Variants in THAP2 observed in about 807,000 individuals in gnomAD.
THAP2 encodes THAP domain containing 2.
THAP2 carries 16 observed loss-of-function variants against 18.8 expected under a neutral mutation model. The ratio of observed to expected loss-of-function variants is 0.85; its 90% confidence interval spans 0.58 to 1.29. THAP2 has a LOEUF of 1.29. THAP2 is among the 50% of genes most tolerant of loss of function. THAP2 has a pLI of 0.00. For missense variants in THAP2, 251 were observed against 265.3 expected (o/e 0.95, Z 0.38); for synonymous variants, 80 against 89.2 (o/e 0.90, Z 0.58).
chr12:71,670,540 A>G (rs1417934860), intron 1 of THAP2, among the ~76,000 whole-genome samples: 1 of 152,202 alleles, frequency 6.6e-6, no homozygotes, highest in African/African-American at 2.4e-5. Context: ...AAATTCAACT[A>G]ATAGCCTTAA....
chr12:71,674,505 G>A (rs960121988), intron 2 of THAP2, 107 bp downstream of exon 2: 1 of 1,072,070 alleles, frequency 9.3e-7, no homozygotes, highest in Admixed American at 2.8e-5. Flanking sequence ...CCTCAAAAAA[G>A]TTGCAGACCT....
intron 1 of THAP2, among the ~76,000 whole-genome samples, chr12:71,668,071 C>T (rs1000490914): frequency 1.3e-5 from 2 of 152,202 alleles, no homozygotes; most frequent in Non-Finnish European, 2.9e-5. Context: ...ACAATTCAGC[C>T]TTTTAATGGC....
intron 1 of THAP2, among the ~76,000 whole-genome samples, chr12:71,665,962 A>G (rs545545936): frequency 9.8e-5 from 15 of 152,314 alleles, no homozygotes; most frequent in African/African-American, 2.4e-4. Flanking sequence ...TCTTGCTACA[A>G]TGTCAACTAA....
chr12:71,670,119 C>G (rs1223825303), intron 1 of THAP2, among the ~76,000 whole-genome samples: 1 of 151,922 alleles, frequency 6.6e-6, no homozygotes, highest in Non-Finnish European at 1.5e-5. Context: ...TCCAGACATT[C>G]ACTTCTTTGT....
At chr12:71,676,101 G>C (rs1881515147) in intron 2 of THAP2, among the ~76,000 whole-genome samples, 1 of 151,982 alleles carries the variant, frequency 6.6e-6, no homozygotes, top group Non-Finnish European at 1.5e-5. Context: ...TTGAATGAAA[G>C]AGATAAAAGC....
chr12:71,667,280 CTT>C (rs898904124), intron 1 of THAP2, among the ~76,000 whole-genome samples: 3 of 152,168 alleles, frequency 2.0e-5, no homozygotes, highest in Non-Finnish European at 2.9e-5. Flanking sequence ...TCTTCAATCT[CTT>C]TTGCTACTCT....
chr12:71,677,846 T>C lies in THAP2; in HGVS notation c.*738T>C, dbSNP rs965104963. 3 of 152,194 alleles carry C rather than the reference T, an allele frequency of 2.0e-5. No homozygotes were observed. Among genetic ancestry groups the C allele is most frequent in the African/African-American group, 7.2e-5 (3 of 41,458 alleles). The allele number at this position is 152,194 out of a possible 1,614,324, so 9.4% of individuals were successfully genotyped here. ...GTTCAGGACCTAGCTTAGATAAATG[T>C]ATACTACTCTTTTTCTCATAATAAA... On this transcript the variant is annotated 3_prime_UTR_variant, in exon 3 of 3. Transcript: ENST00000308086.
rs759566813 is a variant in THAP2, at chr12:71,664,551, C to A, written c.42C>A (p.Tyr14Ter). ...CTGCGGCGGGCTGTGCCACTACCTACAACAAGCACATTAACATCAGCTTCC... is the reference window on the plus strand; with the variant it reads ...CTGCGGCGGGCTGTGCCACTACCTAAAACAAGCACATTAACATCAGCTTCC... ...NCAAAGCATTYNKHINISFHR... is the reference protein window; with the variant it reads ...NCAAAGCATT Residue 14 changes from tyrosine (Y) to a stop codon, truncating the protein, a stop_gained, in exon 1 of 3, where the codon TAC (tyrosine) becomes TAA (stop). Transcript: ENST00000308086. LOFTEE classifies it high-confidence loss of function. The A allele has an allele frequency of 6.2e-7, 1 of 1,614,074 alleles. No individual in the cohort carries two copies. The highest frequency in any genetic ancestry group is 8.5e-7 in the Non-Finnish European group (1 of 1,180,048).
chr12:71,676,434 C>T (rs1420700195), intron 2 of THAP2, among the ~76,000 whole-genome samples: 3 of 152,002 alleles, frequency 2.0e-5, no homozygotes, highest in Non-Finnish European at 4.4e-5. Flanking sequence ...CCTTGGACGT[C>T]CATTGTCTAT....
intron 1 of THAP2, among the ~76,000 whole-genome samples, chr12:71,669,635 T>C (rs1881399523): frequency 6.6e-6 from 1 of 152,022 alleles, no homozygotes; most frequent in South Asian, 2.1e-4. Context: ...CATTAAGAGG[T>C]GAGACTAGGC....
At chr12:71,664,636 G>A in intron 1 of THAP2, 56 bp downstream of exon 1, 1 of 1,593,480 alleles carries the variant, frequency 6.3e-7, no homozygotes, top group Non-Finnish European at 8.6e-7. Context: ...TGTGGCTATC[G>A]CTTGTGTGGA....
At chr12:71,668,624 G>A (rs1210677278) in intron 1 of THAP2, among the ~76,000 whole-genome samples, 3 of 152,132 alleles carry the variant, frequency 2.0e-5, no homozygotes, top group Non-Finnish European at 1.5e-5. Context: ...TACAGTATAC[G>A]CTCATGGAAG....
intron 1 of THAP2, 38 bp from the exon 2 acceptor site, chr12:71,674,165 G>A: frequency 1.3e-6 from 2 of 1,524,510 alleles, no homozygotes; most frequent in South Asian, 1.3e-5. Context: ...CCAGAATTAT[G>A]ATAGTTGGAA....
In THAP2 at chr12:71,679,137, C is replaced by T. The variant is rs1438977230; in HGVS notation, c.*2029C>T. Reference sequence around the variant, plus strand: ...ATTTGTGTAGCCCAGTTCCCATCTACAGTAATACCTTGAAACCTTAATAAA... The same window carrying T: ...ATTTGTGTAGCCCAGTTCCCATCTATAGTAATACCTTGAAACCTTAATAAA... On this transcript the variant is annotated 3_prime_UTR_variant, in exon 3 of 3. Transcript: ENST00000308086. The T allele has an allele frequency of 2.6e-5, 4 of 152,120 alleles. No homozygotes were observed. The highest frequency in any genetic ancestry group is 9.7e-5 in the African/African-American group (4 of 41,434). 9.4% of individuals were successfully genotyped at this position (152,120 alleles called of 1,614,324 possible).
chr12:71,672,984 G>C (rs116309586), intron 1 of THAP2, among the ~76,000 whole-genome samples: 2,581 of 152,208 alleles, frequency 0.017, 71 homozygotes, highest in African/African-American at 0.058. Flanking sequence ...ACTCACAGCA[G>C]TTATTGAGCT....
At chr12:71,666,828 G>T (rs1254306098) in intron 1 of THAP2, among the ~76,000 whole-genome samples, 1 of 151,930 alleles carries the variant, frequency 6.6e-6, no homozygotes, top group Admixed American at 6.6e-5. Flanking sequence ...TCCACCTCCT[G>T]GGTTCCAGCA....
rs1259866179 is a variant in THAP2 at position 71,674,068 on chromosome 12, T to G, written c.72-135T>G. On this transcript the variant is annotated intron_variant, in intron 1 of 2. Coordinates refer to ENST00000308086, the MANE Select transcript of THAP2 (RefSeq NM_031435.4). ...CCATGAATTGGTTTCTGTTCCAGTG[T>G]CTGGATATTGTTAGTTTAAAATTTT... The G allele has an allele frequency of 1.6e-5, 13 of 827,368 alleles. No homozygotes were observed. The East Asian group carries it at 3.3e-4, about 21-fold the overall frequency. 51.3% of individuals were successfully genotyped at this position (827,368 alleles called of 1,614,324 possible).
intron 1 of THAP2, 122 bp from the exon 2 acceptor site, chr12:71,674,079 TTA>T: frequency 3.2e-6 from 3 of 937,732 alleles, no homozygotes; most frequent in Non-Finnish European, 4.5e-6. Flanking sequence ...CTGGATATTG[TTA>T]GTTTAAAATT....
chr12:71,669,617 T>C (rs982512348), intron 1 of THAP2, among the ~76,000 whole-genome samples: 2 of 152,102 alleles, frequency 1.3e-5, no homozygotes, highest in Admixed American at 6.6e-5. Context: ...GAAATGAGAC[T>C]AGATTGTCAT....
Sources: allele counts gnomAD v4.1 joint callset (sites outside exome capture counted in the v4.1 genomes callset), GRCh38; gene constraint gnomAD v4.1.1; transcripts MANE v1.5; gene names NCBI Gene and HGNC (gene_info 2026-07-23, HGNC 2026-07-21).